Variants in AP2A2 observed in about 807,000 individuals in gnomAD.
AP2A2 encodes the protein adaptor related protein complex 2 subunit alpha 2.
Under a neutral mutation model 104.2 loss-of-function variants are expected in AP2A2, and 32 were observed. The observed-to-expected ratio is 0.31, with a 90% CI of 0.23 to 0.41. The LOEUF (loss-of-function observed/expected upper bound fraction) is 0.41, where lower values mean the gene tolerates loss of function less well. Ranked by LOEUF, AP2A2 falls within the 10% of genes least tolerant of loss-of-function variation. The pLI, the probability that AP2A2 is intolerant of heterozygous loss-of-function variation, is 1.00. For synonymous variants in AP2A2, 539 were observed against 533.3 expected (o/e 1.01, Z -0.15); for missense variants, 912 against 1,261.0 (o/e 0.72, Z 4.19).
intron 14 of AP2A2, among the ~76,000 whole-genome samples, chr11:995,836 C>T (rs886357915): frequency 1.4e-5 from 2 of 145,410 alleles, no homozygotes; most frequent in African/African-American, 2.6e-5. Flanking sequence ...CTGCTGTGCC[C>T]GCCATCTGGA....
intron 6 of AP2A2, among the ~76,000 whole-genome samples, chr11:981,891 C>A (rs1371561503): frequency 6.6e-6 from 1 of 152,222 alleles, no homozygotes; most frequent in Non-Finnish European, 1.5e-5. Flanking sequence ...CAGCTGGGGC[C>A]GCGGCTCCTG....
chr11:937,165 G>A (rs920920930), intron 1 of AP2A2, among the ~76,000 whole-genome samples: 1 of 151,634 alleles, frequency 6.6e-6, no homozygotes, highest in Admixed American at 6.6e-5. Context: ...GATTACAGGC[G>A]CCCGCCACTA....
intron 14 of AP2A2, 93 bp from the exon 15 acceptor site, chr11:1,000,339 G>A: frequency 7.8e-7 from 1 of 1,286,952 alleles, no homozygotes; most frequent in Non-Finnish European, 1.1e-6. Context: ...ATGCCAAGGG[G>A]GTGCCATGGG....
chr11:955,219 G>GC (rs1239887833), intron 1 of AP2A2, among the ~76,000 whole-genome samples: 3 of 152,208 alleles, frequency 2.0e-5, no homozygotes, highest in African/African-American at 7.2e-5. Context: ...ATAGGCACAC[G>GC]CACACTGGCA....
intron 2 of AP2A2, among the ~76,000 whole-genome samples, chr11:965,696 G>A (rs1017005484): frequency 2.0e-5 from 3 of 152,210 alleles, no homozygotes; most frequent in African/African-American, 4.8e-5. Flanking sequence ...ACCTGCAGAC[G>A]CATGGGCAAG....
chr11:979,622 C>T (rs527249742), intron 5 of AP2A2, among the ~76,000 whole-genome samples: 3 of 152,280 alleles, frequency 2.0e-5, no homozygotes, highest in East Asian at 1.9e-4. Context: ...AGTGCAGTGG[C>T]GCGATCTCAG....
intron 1 of AP2A2, among the ~76,000 whole-genome samples, chr11:950,744 C>T (rs917518959): frequency 1.1e-4 from 17 of 152,050 alleles, no homozygotes; most frequent in African/African-American, 4.1e-4. Context: ...ATAAAGGGCT[C>T]GTTATTTAGA....
At chr11:960,247 C>CTT (rs11438619) in intron 2 of AP2A2, among the ~76,000 whole-genome samples, 114 of 144,028 alleles carry the variant, frequency 7.9e-4, no homozygotes, top group East Asian at 1.4e-3. Context: ...CTTTTCTTTT[C>CTT]TTTTTTTTTT....
chr11:1,003,832 T>C (rs767090598), intron 16 of AP2A2, 28 bp downstream of exon 16: 3 of 1,446,744 alleles, frequency 2.1e-6, no homozygotes, highest in Non-Finnish European at 2.9e-6. Context: ...TTAATGAAAC[T>C]GTCTCTTAGA....
At chr11:956,083 T>C (rs1854223948) in intron 1 of AP2A2, among the ~76,000 whole-genome samples, 1 of 152,202 alleles carries the variant, frequency 6.6e-6, no homozygotes, top group African/African-American at 2.4e-5. Flanking sequence ...CTCACACCTG[T>C]AATCCCAGCA....
Position 965,606 on chromosome 11 carries a change from T to C in AP2A2, c.137-4563T>C, listed in dbSNP as rs114431541. On this transcript the variant is annotated intron_variant, in intron 2 of 21. Transcript: ENST00000448903. ...CCTCTGCTATGGTAAGGATGTGCTT[T>C]GGGTGGTGTGGGCCTGGAGCAGAGC... Among the ~76,000 whole-genome samples the C allele has an allele frequency of 7.9e-3, 1,202 of 152,264 alleles. 24 individuals carry two copies. Among genetic ancestry groups the C allele is most frequent in the African/African-American group, 0.028 (1,148 of 41,548 alleles).
intron 9 of AP2A2, among the ~76,000 whole-genome samples, chr11:988,169 G>A (rs1338395015): frequency 1.3e-5 from 2 of 152,236 alleles, no homozygotes; most frequent in Non-Finnish European, 2.9e-5. Context: ...CCTGCCTTGG[G>A]GCAGCTCCGT....
chr11:935,831 T>C (rs1853440405), intron 1 of AP2A2, among the ~76,000 whole-genome samples: 1 of 151,014 alleles, frequency 6.6e-6, no homozygotes, highest in Non-Finnish European at 1.5e-5. Flanking sequence ...CCCGACCTCG[T>C]GATCCACCCG....
At chr11:1,007,965 G>A (rs1176244491) in intron 17 of AP2A2, 47 bp from the exon 18 acceptor site, 35 of 1,550,952 alleles carry the variant, frequency 2.3e-5, no homozygotes, top group South Asian at 7.1e-5. Context: ...GCCCGTTTCC[G>A]CTTCTGCCAC....
Position 935,713 on chromosome 11 carries a change from TTC to T in AP2A2, c.67+9629_67+9630del, listed in dbSNP as rs536448106. Among the ~76,000 whole-genome samples, 8 of 148,704 alleles carry T rather than the reference TTC, an allele frequency of 5.4e-5. No individual in the cohort carries two copies. The South Asian group carries it at 1.7e-3, about 32-fold the overall frequency. On this transcript the variant is annotated intron_variant, in intron 1 of 21. Transcript: ENST00000448903. Reference sequence around the variant, plus strand: ...ACCTTCGCCTCCCGGGTTCAAACAATTCTCTGTCTCAGCGTCCTGAGTAGCTG... The same window carrying T: ...ACCTTCGCCTCCCGGGTTCAAACAATTCTGTCTCAGCGTCCTGAGTAGCTG...
At position 993,734 on chromosome 11, in the gene AP2A2, T is replaced by C; in HGVS notation, c.1551-20T>C. 1 of 1,557,908 alleles carries C rather than the reference T, an allele frequency of 6.4e-7. No homozygotes were observed. On this transcript the variant is annotated intron_variant, in intron 12 of 21. Coordinates refer to ENST00000448903, the MANE Select transcript of AP2A2 (RefSeq NM_012305.4). This position sits in a 1 kb window ranked among gnomAD's most constrained non-coding sequence, Gnocchi z 8.2. Reference sequence around the variant, plus strand: ...GCGAGGGGACGACGGTGTCCCTGTGTTGTGCCTCCCCGTCCCCAGCCCGCT... The same window carrying C: ...GCGAGGGGACGACGGTGTCCCTGTGCTGTGCCTCCCCGTCCCCAGCCCGCT...
rs780375497 is a variant in AP2A2 at position 993,003 on chromosome 11, A to G, written c.1453-281A>G. The stretch of plus-strand genomic sequence containing the variant: ...GTCGGAGAGGGTTAGGCCACCGGCA[A>G]GGGGTGTGCCATGAGGACGCTGGCA... On this transcript the variant is annotated intron_variant, in intron 11 of 21. Coordinates refer to ENST00000448903, the MANE Select transcript of AP2A2 (RefSeq NM_012305.4). The surrounding 1 kb of genome is among the most constrained non-coding windows in gnomAD (Gnocchi z 8.2). Among the ~76,000 whole-genome samples, 2 of 152,170 alleles carry G rather than the reference A, an allele frequency of 1.3e-5. No homozygotes were observed. The highest frequency in any genetic ancestry group is 1.3e-4 in the Admixed American group (2 of 15,278).
chr11:988,593 C>T lies in AP2A2; in HGVS notation c.1173C>T (p.Leu391=). Residue 391 remains leucine, a synonymous_variant, in exon 10 of 22, where the codon CTC becomes CTT. Coordinates refer to ENST00000448903, the MANE Select transcript of AP2A2 (RefSeq NM_012305.4). ...DVSVRQRAVD[L]LYAMCDRSNA... ...GCGTGCGGCAGCGGGCCGTGGACCT[C>T]CTCTACGCCATGTGCGACCGCAGCA... The T allele has an allele frequency of 6.2e-7, 1 of 1,613,272 alleles. No homozygotes were observed.
intron 1 of AP2A2, among the ~76,000 whole-genome samples, chr11:955,405 G>A (rs1854202333): frequency 6.6e-6 from 1 of 152,236 alleles, no homozygotes; most frequent in South Asian, 2.1e-4. Flanking sequence ...TGTACCTGCT[G>A]TCCTGCTTTC....
Sources: gnomAD v4.1 joint callset for allele counts (sites outside exome capture counted in the v4.1 genomes callset) on GRCh38, gnomAD v4.1.1 for gene constraint, Gnocchi (gnomAD v3.1) non-coding constraint, MANE v1.5 for transcripts, NCBI Gene and HGNC (gene_info 2026-07-23, HGNC 2026-07-21) for gene names.